Variants in GPC5 observed in about 807,000 individuals in gnomAD.
GPC5 encodes glypican 5, also known as glypican-5.
A neutral mutation model predicts 53.9 loss-of-function variants in GPC5; 47 were observed. The ratio of observed to expected loss-of-function variants is 0.87; its 90% CI spans 0.69 to 1.11. The LOEUF (loss-of-function observed/expected upper bound fraction) is 1.11. Ranked by LOEUF, GPC5 falls within the 50% of genes most tolerant of loss-of-function variation. GPC5 has a pLI of 0.00. For missense variants in GPC5, 748 were observed against 713.1 expected, an observed-to-expected ratio of 1.05 and a Z score of -0.56; for synonymous variants, 286 against 263.3, an observed-to-expected ratio of 1.09 and a Z score of -0.84.
intron 7 of GPC5, among the ~76,000 whole-genome samples, chr13:92,623,806 A>G (rs1884955465): frequency 6.6e-6 from 1 of 151,834 alleles, no homozygotes; most frequent in Non-Finnish European, 1.5e-5. Flanking sequence ...CAGGAATGCA[A>G]TTATTCTTAG....
intron 7 of GPC5, among the ~76,000 whole-genome samples, chr13:92,166,208 A>T (rs929338629): frequency 1.3e-5 from 2 of 152,182 alleles, no homozygotes; most frequent in Middle Eastern, 3.2e-3. Flanking sequence ...TTCCCTGATT[A>T]TATTTTTGAG....
At chr13:92,005,190 G>A (rs1231080843) in intron 6 of GPC5, among the ~76,000 whole-genome samples, 3 of 152,184 alleles carry the variant, frequency 2.0e-5, no homozygotes, top group African/African-American at 7.2e-5. Flanking sequence ...GAAAACTAAA[G>A]TCGGTTAAGA....
chr13:92,474,629 G>A (rs1879034262), intron 7 of GPC5, among the ~76,000 whole-genome samples: 1 of 149,920 alleles, frequency 6.7e-6, no homozygotes, highest in African/African-American at 2.5e-5. Flanking sequence ...TCCTAGTTGT[G>A]ATGGTTAAAA....
intron 7 of GPC5, among the ~76,000 whole-genome samples, chr13:92,450,174 A>G (rs1281616853): frequency 6.6e-6 from 1 of 152,094 alleles, no homozygotes; most frequent in East Asian, 1.9e-4. Context: ...TTGGGAGAAG[A>G]TATATATATT....
chr13:92,286,979 G>A (rs529014434), intron 7 of GPC5, among the ~76,000 whole-genome samples: 3 of 152,202 alleles, frequency 2.0e-5, no homozygotes, highest in South Asian at 2.1e-4. Context: ...GCAAGCCAAC[G>A]CTAGAGGCCC....
At chr13:92,166,944 TCTCTCTCTCTCTCACACACACA>T (rs137864208) in intron 7 of GPC5, among the ~76,000 whole-genome samples, 6,227 of 130,422 alleles carry the variant, frequency 0.048, 146 homozygotes, top group South Asian at 0.071. Context: ...TCTCTCTCTC[TCTCTCTCTCTCTCACACACACA>T]CACACACACA....
intron 2 of GPC5, among the ~76,000 whole-genome samples, chr13:91,621,761 TTA>T (rs1555331079): frequency 0.044 from 2,060 of 46,826 alleles, 95 homozygotes; most frequent in African/African-American, 0.11. Context: ...GGACAGAACA[TTA>T]TATATATATA....
At chr13:92,582,107 A>G (rs1883391911) in intron 7 of GPC5, among the ~76,000 whole-genome samples, 1 of 152,122 alleles carries the variant, frequency 6.6e-6, no homozygotes, top group Non-Finnish European at 1.5e-5. Context: ...CAAATCTAAA[A>G]AAATTATTGC....
In GPC5 at chr13:91,478,902, T is replaced by TATATATATATATATAC. The variant is rs201918417; in HGVS notation, c.325+29980_325+29981insATATATATATATATAC. On this transcript the variant is annotated intron_variant, in intron 2 of 7. Coordinates refer to ENST00000377067, the MANE Select transcript of GPC5 (RefSeq NM_004466.6). ...CACATTATATATATATATATATATA[T>TATATATATATATATAC]GCACATATATATATTCTTTTTTTTT... 7.2e-4 allele frequency among the ~76,000 whole-genome samples: 65 copies of TATATATATATATATAC among 90,284 alleles called. 2 individuals carry two copies. The highest frequency in any genetic ancestry group is 3.3e-3 in the African/African-American group (55 of 16,604). 59.2% of individuals were successfully genotyped at this position (90,284 alleles called of 152,430 possible).
intron 6 of GPC5, among the ~76,000 whole-genome samples, chr13:91,994,113 T>C (rs1247537182): frequency 6.6e-6 from 1 of 152,218 alleles, no homozygotes; most frequent in Non-Finnish European, 1.5e-5. Flanking sequence ...ACCAAAATGT[T>C]GCCCAGGTAC....
At chr13:91,903,281 T>G (rs1034844389) in intron 5 of GPC5, among the ~76,000 whole-genome samples, 2 of 152,144 alleles carry the variant, frequency 1.3e-5, no homozygotes, top group Non-Finnish European at 2.9e-5. Flanking sequence ...TAGTTCTCAT[T>G]GCTATATACT....
At chr13:92,166,950 T>TCA (rs2042034331) in intron 7 of GPC5, among the ~76,000 whole-genome samples, 1 of 57,552 alleles carries the variant, frequency 1.7e-5, no homozygotes, top group African/African-American at 5.9e-5. Context: ...TCTCTCTCTC[T>TCA]CTCTCTCACA....
intron 7 of GPC5, among the ~76,000 whole-genome samples, chr13:92,544,112 CA>C (rs1882021743): frequency 6.6e-6 from 1 of 151,816 alleles, no homozygotes; most frequent in African/African-American, 2.4e-5. Context: ...TTAATTATAC[CA>C]AACCTGGTTT....
At chr13:91,769,604 G>T (rs1159150104) in intron 5 of GPC5, among the ~76,000 whole-genome samples, 1 of 152,194 alleles carries the variant, frequency 6.6e-6, no homozygotes, top group East Asian at 1.9e-4. Flanking sequence ...GGAACAGAAG[G>T]GAAATCAGCG....
At chr13:91,696,382 C>G (rs2035879959) in intron 3 of GPC5, among the ~76,000 whole-genome samples, 1 of 152,092 alleles carries the variant, frequency 6.6e-6, no homozygotes, top group African/African-American at 2.4e-5. Context: ...AATAAAACAA[C>G]TGAGTCCTCT....
intron 7 of GPC5, among the ~76,000 whole-genome samples, chr13:92,512,915 G>A (rs779902187): frequency 7.2e-5 from 11 of 152,182 alleles, no homozygotes; most frequent in Non-Finnish European, 1.6e-4. Flanking sequence ...AGTCTTCAGG[G>A]CTTTGGTTTT....
intron 7 of GPC5, among the ~76,000 whole-genome samples, chr13:92,317,881 C>T (rs1202132694): frequency 6.6e-6 from 1 of 152,038 alleles, no homozygotes; most frequent in Non-Finnish European, 1.5e-5. Context: ...TTCTGGAATA[C>T]CTCGACAGTA....
intron 7 of GPC5, among the ~76,000 whole-genome samples, chr13:92,198,307 C>T (rs1020705955): frequency 6.6e-6 from 1 of 152,152 alleles, no homozygotes; most frequent in African/African-American, 2.4e-5. Flanking sequence ...TATCCTTTAA[C>T]CTAGGATGGA....
In GPC5 at chr13:92,790,500, ATTGT is replaced by A. The variant is rs754799315; in HGVS notation, c.1562-75775_1562-75772del. On this transcript the variant is annotated intron_variant, in intron 7 of 7. Transcript: ENST00000377067. ...TATGTAGAGAAGAAAGACAGCTAAA[ATTGT>A]TTGTTTTTGTTAGCATAAAAAGAAA... Among the ~76,000 whole-genome samples the A allele has an allele frequency of 6.8e-4, 104 of 152,276 alleles. 1 individual carries two copies. Among genetic ancestry groups the A allele is most frequent in the South Asian group, 4.1e-4 (2 of 4,828 alleles).
Sources: gnomAD v4.1 joint callset for allele counts (sites outside exome capture counted in the v4.1 genomes callset) on GRCh38, gnomAD v4.1.1 for gene constraint, MANE v1.5 for transcripts, NCBI Gene and HGNC (gene_info 2026-07-23, HGNC 2026-07-21) for gene names.